The following LSAMP variants were observed in gnomAD, a reference collection of about 807,000 sequenced individuals.
LSAMP encodes limbic system associated membrane protein.
LSAMP carries 7 observed loss-of-function variants against 38.6 expected under a neutral mutation model. The ratio of observed to expected loss-of-function variants is 0.18; its 90% confidence interval spans 0.10 to 0.34. The LOEUF is 0.34. Among genes scored for constraint, LSAMP ranks in the 10% least tolerant of loss-of-function variants. LSAMP has a pLI of 1.00. For missense variants in LSAMP, 313 were observed against 420.0 expected (o/e 0.75, Z 2.23); for synonymous variants, 154 against 166.8 (o/e 0.92, Z 0.59).
At chr3:116,223,871 T>C (rs1168517602) in intron 1 of LSAMP, among the ~76,000 whole-genome samples, 2 of 152,174 alleles carry the variant, frequency 1.3e-5, no homozygotes, top group Non-Finnish European at 2.9e-5. Context: ...ATAGAGAAGA[T>C]TGTATAACCC....
intron 1 of LSAMP, among the ~76,000 whole-genome samples, chr3:116,335,807 A>G (rs767235760): frequency 6.6e-6 from 1 of 152,084 alleles, no homozygotes; most frequent in African/African-American, 2.4e-5. Context: ...AAAGTGTTGG[A>G]TATATCATGT....
At chr3:116,341,044 G>T (rs991600329) in intron 1 of LSAMP, among the ~76,000 whole-genome samples, 2 of 151,914 alleles carry the variant, frequency 1.3e-5, no homozygotes, top group Non-Finnish European at 2.9e-5. Context: ...TCCTTTTATG[G>T]ATCCAGATGG....
In LSAMP at chr3:116,146,565, C is replaced by T. The variant is rs556345923; in HGVS notation, c.156-60009G>A. ...AGCAGAGAAAAAAAATCTACTTTTG[C>T]TATCACCATACCAGCACACCAATTA... is the stretch of plus-strand genomic sequence containing the variant. On this transcript the variant is annotated intron_variant, in intron 1 of 6. Transcript: ENST00000490035. Among the ~76,000 whole-genome samples, 3 of 151,994 alleles carry T rather than the reference C, an allele frequency of 2.0e-5. No homozygotes were observed. The South Asian group carries it at 6.2e-4, about 31-fold the overall frequency.
At chr3:115,829,246 C>T (rs1287164916) in intron 6 of LSAMP, among the ~76,000 whole-genome samples, 1 of 152,102 alleles carries the variant, frequency 6.6e-6, no homozygotes, top group Admixed American at 6.5e-5. Flanking sequence ...CTCCCTATTA[C>T]ACTGTGTCAA....
chr3:116,225,153 A>G (rs891284186), intron 1 of LSAMP, among the ~76,000 whole-genome samples: 4 of 152,212 alleles, frequency 2.6e-5, no homozygotes, highest in Non-Finnish European at 4.4e-5. Context: ...CCCAGTACCC[A>G]TAAAAGTGAC....
rs1032817411 is a variant in LSAMP at position 115,809,713 on chromosome 3, G to T, written c.*604C>A. On this transcript the variant is annotated 3_prime_UTR_variant, in exon 7 of 7. Transcript: ENST00000490035. The stretch of plus-strand genomic sequence containing the variant: ...AGGTGGGTGAAAAGGGAGTATCTAG[G>T]GTGGGTGTGGGGGAGATAGAACGCA... 3.9e-5 allele frequency: 6 copies of T among 152,332 alleles called. No individual in the cohort carries two copies. Among genetic ancestry groups the T allele is most frequent in the African/African-American group, 9.7e-5 (4 of 41,380 alleles). The allele number at this position is 152,332 out of a possible 1,614,324, so 9.4% of individuals were successfully genotyped here. A position where few individuals can be genotyped will look rare whatever the true frequency, so the allele number is the denominator to read the frequency against.
At chr3:116,282,581 T>C (rs922907458) in intron 1 of LSAMP, among the ~76,000 whole-genome samples, 6 of 152,174 alleles carry the variant, frequency 3.9e-5, no homozygotes, top group African/African-American at 9.6e-5. Flanking sequence ...TATACATGGA[T>C]GCCTCCAGTC....
At chr3:116,213,149 GA>G (rs1161115723) in intron 1 of LSAMP, among the ~76,000 whole-genome samples, 2 of 152,050 alleles carry the variant, frequency 1.3e-5, no homozygotes, top group African/African-American at 4.8e-5. Flanking sequence ...AATTTTTTGT[GA>G]AAATACCCTA....
At chr3:116,158,504 G>C (rs551348786) in intron 1 of LSAMP, among the ~76,000 whole-genome samples, 2 of 152,068 alleles carry the variant, frequency 1.3e-5, no homozygotes, top group Non-Finnish European at 2.9e-5. Flanking sequence ...TAAGTTTCAG[G>C]ATACAAAATT....
chr3:116,278,624 C>T lies in LSAMP; in HGVS notation c.155+166253G>A, dbSNP rs140227321. ...GAAAGTTACTTCCATTGTGACATAA[C>T]TGTGGCCTTAGATAATGACAGGAAC... On this transcript the variant is annotated intron_variant, in intron 1 of 6. Transcript: ENST00000490035. Among the ~76,000 whole-genome samples, 1,380 of 152,164 alleles carry T rather than the reference C, an allele frequency of 9.1e-3. 21 individuals carry two copies. Among genetic ancestry groups the T allele is most frequent in the South Asian group, 0.032 (155 of 4,812 alleles).
chr3:115,836,602 A>G (rs1011644602), intron 6 of LSAMP, among the ~76,000 whole-genome samples: 3 of 152,150 alleles, frequency 2.0e-5, no homozygotes, highest in Admixed American at 6.5e-5. Context: ...ATGCACAGCT[A>G]TATGCTGTGG....
chr3:115,957,979 A>G (rs1246106319), intron 3 of LSAMP, among the ~76,000 whole-genome samples: 2 of 152,100 alleles, frequency 1.3e-5, no homozygotes, highest in East Asian at 3.9e-4. Context: ...TCTGGCCCCA[A>G]ATGAAAGGGG....
intron 6 of LSAMP, among the ~76,000 whole-genome samples, chr3:115,832,140 A>T (rs1343903058): frequency 6.6e-6 from 1 of 152,120 alleles, no homozygotes; most frequent in East Asian, 1.9e-4. Context: ...TGGGGATAGG[A>T]GGGAAGATCC....
chr3:116,273,707 T>TATATATATATACACACAC (rs1307543165), intron 1 of LSAMP, among the ~76,000 whole-genome samples: 2 of 102,650 alleles, frequency 1.9e-5, no homozygotes, highest in African/African-American at 9.4e-5. Flanking sequence ...TATATATATA[T>TATATATATATACACACAC]ACACACACAC....
chr3:116,058,531 A>C (rs1305930150), intron 2 of LSAMP, among the ~76,000 whole-genome samples: 2 of 152,024 alleles, frequency 1.3e-5, no homozygotes, highest in Admixed American at 6.6e-5. Flanking sequence ...TTTTAGTTTT[A>C]ACACTCTTTG....
intron 2 of LSAMP, among the ~76,000 whole-genome samples, chr3:116,082,020 T>C (rs1707882457): frequency 6.6e-6 from 1 of 152,166 alleles, no homozygotes; most frequent in Admixed American, 6.5e-5. Context: ...TGATAAAAGA[T>C]GCGTTGTAAA....
chr3:116,176,741 T>C (rs1331035466), intron 1 of LSAMP, among the ~76,000 whole-genome samples: 1 of 152,090 alleles, frequency 6.6e-6, no homozygotes, highest in Non-Finnish European at 1.5e-5. Flanking sequence ...AAATCCTGGG[T>C]CATTTTTTGA....
At chr3:115,861,967 A>G (rs1458475039) in intron 3 of LSAMP, among the ~76,000 whole-genome samples, 4 of 152,214 alleles carry the variant, frequency 2.6e-5, no homozygotes, top group African/African-American at 9.7e-5. Flanking sequence ...GCGGGGAAGA[A>G]GAGCAAAACT....
chr3:115,964,641 AAC>A (rs1293200539), intron 3 of LSAMP, among the ~76,000 whole-genome samples: 3 of 152,134 alleles, frequency 2.0e-5, no homozygotes, highest in Non-Finnish European at 4.4e-5. Context: ...TCTATATAAA[AAC>A]ACAAAAAATT....
Sources: allele counts gnomAD v4.1 joint callset (sites outside exome capture counted in the v4.1 genomes callset), GRCh38; gene constraint gnomAD v4.1.1; transcripts MANE v1.5; gene names NCBI Gene and HGNC (gene_info 2026-07-23, HGNC 2026-07-21).